The following TMPRSS3 variants were observed in gnomAD, a reference collection of about 807,000 sequenced individuals.
TMPRSS3 encodes the protein transmembrane serine protease 3.
TMPRSS3 carries 55 observed loss-of-function variants against 59.6 expected under a neutral mutation model. The ratio of observed to expected loss-of-function variants is 0.92; its 90% CI spans 0.74 to 1.16. TMPRSS3 has a LOEUF of 1.16. Ranked by LOEUF, TMPRSS3 falls within the 50% of genes most tolerant of loss-of-function variation. The pLI is 0.00. For synonymous variants in TMPRSS3, 257 were observed against 237.7 expected (o/e 1.08, Z -0.75); for missense variants, 596 against 579.4 (o/e 1.03, Z -0.29).
intron 2 of TMPRSS3, 170 bp from the exon 3 acceptor site, chr21:42,390,207 A>G: frequency 3.0e-6 from 2 of 659,188 alleles, no homozygotes; most frequent in Non-Finnish European, 5.5e-6. Context: ...CACATTCTCT[A>G]GTTCAGTCCT....
In TMPRSS3 at chr21:42,388,889, G is replaced by A. The variant is rs1255439190; in HGVS notation, c.322+40C>T. 6.4e-7 allele frequency: 1 copy of A among 1,572,360 alleles called. No individual in the cohort carries two copies. The highest frequency in any genetic ancestry group is 1.3e-5 in the African/African-American group (1 of 74,138). ...GGAAGGGTCAGGGTTGGCTTCTGCT[G>A]CTTCCTTCTGTTTCCCCAGGGGAAG... is the stretch of plus-strand genomic sequence containing the variant. On this transcript the variant is annotated intron_variant, in intron 4 of 12. Transcript: ENST00000644384. This position sits in a 1 kb window ranked among gnomAD's most constrained non-coding sequence, Gnocchi z 5.1.
At chr21:42,378,324 C>G (rs1314451519) in intron 10 of TMPRSS3, among the ~76,000 whole-genome samples, 3 of 152,244 alleles carry the variant, frequency 2.0e-5, no homozygotes, top group African/African-American at 7.2e-5. Context: ...GTGGAAAACA[C>G]TGAAATTCCT....
At chr21:42,379,325 G>A (rs1352094062) in intron 10 of TMPRSS3, among the ~76,000 whole-genome samples, 1 of 152,050 alleles carries the variant, frequency 6.6e-6, no homozygotes, top group Non-Finnish European at 1.5e-5. Flanking sequence ...ACCATGCCTG[G>A]CTAATTTTTG....
At position 42,382,225 on chromosome 21, in the gene TMPRSS3, G is replaced by A. The variant is rs576826396; in HGVS notation, c.792C>T (p.Leu264=). 1.9e-6 allele frequency: 3 copies of A among 1,614,188 alleles called. No homozygotes were observed. In the Admixed American group the frequency reaches 5.0e-5, roughly 27 times the overall value. The change falls in exon 9 of 13, where the codon CTC becomes CTT. Residue 264 remains leucine (L), a synonymous_variant. Transcript: ENST00000644384. ...TAAHCVYDLY[L]PKSWTIQVGL... ...CCACCTGGATGGTCCATGACTTGGG[G>A]AGGTACAAGCTGAAATGAGAAGAGC... is the stretch of plus-strand genomic sequence containing the variant.
intron 6 of TMPRSS3, 131 bp downstream of exon 6, chr21:42,385,278 G>T: frequency 7.8e-7 from 1 of 1,275,088 alleles, no homozygotes; most frequent in Non-Finnish European, 1.1e-6. Flanking sequence ...TCATCAAGGT[G>T]GCCAACTCCC....
chr21:42,374,248 C>T (rs1039198920), intron 12 of TMPRSS3, among the ~76,000 whole-genome samples: 1 of 152,212 alleles, frequency 6.6e-6, no homozygotes, highest in Non-Finnish European at 1.5e-5. Context: ...CCTCTCCCAG[C>T]AAGGTGAGCA....
chr21:42,391,257 G>A (rs186500311), intron 2 of TMPRSS3, among the ~76,000 whole-genome samples: 2 of 152,258 alleles, frequency 1.3e-5, no homozygotes, highest in Non-Finnish European at 2.9e-5. Flanking sequence ...TGTTGCTCAG[G>A]CTGATGTCAA....
chr21:42,390,265 T>C, intron 2 of TMPRSS3: 1 of 544,564 alleles, frequency 1.8e-6, no homozygotes, highest in African/African-American at 1.9e-5. Flanking sequence ...TGAGGGGATG[T>C]GCTATGGGTT....
chr21:42,391,551 G>A (rs969792398), intron 2 of TMPRSS3, among the ~76,000 whole-genome samples: 4 of 152,224 alleles, frequency 2.6e-5, no homozygotes, highest in Admixed American at 2.6e-4. Flanking sequence ...AGTTTGCACA[G>A]GTCTGCTTGC....
chr21:42,374,951 C>T (rs1457425164), intron 12 of TMPRSS3, among the ~76,000 whole-genome samples: 3 of 151,702 alleles, frequency 2.0e-5, no homozygotes, highest in South Asian at 2.1e-4. Flanking sequence ...TCCCATCAAC[C>T]GTATTAAGTG....
At position 42,383,098 on chromosome 21, in the gene TMPRSS3, G is replaced by T. The variant is rs1286616401; in HGVS notation, c.717C>A (p.Tyr239Ter). The change falls in exon 8 of 13, where the codon TAC becomes TAA. Residue 239 changes from tyrosine to a stop codon, truncating the protein, a stop_gained. Coordinates refer to ENST00000644384, the MANE Select transcript of TMPRSS3 (RefSeq NM_001256317.3). LOFTEE classifies it high-confidence loss of function. The stretch of plus-strand genomic sequence containing the variant: ...TGATGACAGAGCCCCCGCACAGGTG[G>T]TAGCCCTGGAACTGAAGGCTGGCCT... ...PWQASLQFQGYHLCGGSVITP... is the reference protein window; with the variant it reads ...PWQASLQFQG The T allele has an allele frequency of 1.2e-6, 2 of 1,614,190 alleles. No homozygotes were observed. Among genetic ancestry groups the T allele is most frequent in the Admixed American group, 3.3e-5 (2 of 60,034 alleles).
chr21:42,389,202 T>C (rs1028840779), intron 3 of TMPRSS3, 157 bp from the exon 4 acceptor site: 2 of 1,489,050 alleles, frequency 1.3e-6, no homozygotes, highest in African/African-American at 2.8e-5. Context: ...TGCAGCCCAG[T>C]TTCTGTTTTG....
chr21:42,381,788 A>G, intron 9 of TMPRSS3: 1 of 580,126 alleles, frequency 1.7e-6, no homozygotes, highest in Admixed American at 2.7e-5. Flanking sequence ...ACAGGGTAAC[A>G]TTGAAAATGT....
intron 10 of TMPRSS3, among the ~76,000 whole-genome samples, chr21:42,379,486 C>T (rs2052483568): frequency 6.6e-6 from 1 of 152,160 alleles, no homozygotes; most frequent in Non-Finnish European, 1.5e-5. Flanking sequence ...TTAAGCCACG[C>T]AGACTGTGAT....
Position 42,388,323 on chromosome 21 carries a change from C to T in TMPRSS3, c.446+80G>A, listed in dbSNP as rs1176944943. On this transcript the variant is annotated intron_variant, in intron 5 of 12. Transcript: ENST00000644384. The surrounding 1 kb of genome is among the most constrained non-coding windows in gnomAD (Gnocchi z 5.1). ...AGAGCGTTAAAGCACCCAATAGTGC[C>T]CAACTAAATGGTAGTTGTCTTTCTT... 1.3e-6 allele frequency: 2 copies of T among 1,593,934 alleles called. No homozygotes were observed. The highest frequency in any genetic ancestry group is 2.2e-5 in the East Asian group (1 of 44,746).
intron 6 of TMPRSS3, among the ~76,000 whole-genome samples, chr21:42,384,782 A>G (rs571512525): frequency 2.8e-4 from 42 of 152,268 alleles, no homozygotes; most frequent in African/African-American, 9.4e-4. Context: ...CCTAGATGTC[A>G]GGGAGAGAAT....
At chr21:42,375,973 C>T in intron 11 of TMPRSS3, 105 bp from the exon 12 acceptor site, 3 of 1,480,614 alleles carry the variant, frequency 2.0e-6, no homozygotes, top group Non-Finnish European at 1.9e-6. Context: ...GGAGTTGGGA[C>T]CCCCCTTCAT....
At chr21:42,390,736 C>T (rs2052722846) in intron 2 of TMPRSS3, among the ~76,000 whole-genome samples, 1 of 151,862 alleles carries the variant, frequency 6.6e-6, no homozygotes, top group South Asian at 2.1e-4. Flanking sequence ...CTCCAAAACA[C>T]AAAAACAAAA....
Position 42,388,571 on chromosome 21 carries a change from C to A in TMPRSS3, c.323-45G>T, listed in dbSNP as rs567878963. ...AAAGGCTTATTAGTGGCCAGTGGAACCCTGAGACCATAGGCAGGGGTTTCT... is the reference window on the plus strand; with the variant it reads ...AAAGGCTTATTAGTGGCCAGTGGAAACCTGAGACCATAGGCAGGGGTTTCT... On this transcript the variant is annotated intron_variant, in intron 4 of 12. Transcript: ENST00000644384. The surrounding 1 kb of genome is among the most constrained non-coding windows in gnomAD (Gnocchi z 5.1). The A allele has an allele frequency of 4.3e-6, 7 of 1,613,964 alleles. No individual in the cohort carries two copies. The South Asian group carries it at 7.7e-5, about 18-fold the overall frequency.
Sources: allele counts gnomAD v4.1 joint callset (sites outside exome capture counted in the v4.1 genomes callset), GRCh38; gene constraint gnomAD v4.1.1; non-coding constraint Gnocchi (gnomAD v3.1); transcripts MANE v1.5; gene names NCBI Gene and HGNC (gene_info 2026-07-23, HGNC 2026-07-21).